UGT8: variants seen among roughly 807,000 people sequenced by gnomAD.
UGT8 encodes UDP glycosyltransferase 8.
A neutral mutation model predicts 40.5 loss-of-function variants in UGT8; 12 were observed. The ratio of observed to expected loss-of-function variants is 0.30; its 90% CI spans 0.19 to 0.48. UGT8 has a LOEUF of 0.48. Ranked by LOEUF, UGT8 falls within the 20% of genes least tolerant of loss-of-function variation. The probability of loss-of-function intolerance (pLI) is 0.99; values close to 1 mark genes in which losing one functional copy is unlikely to be tolerated. For synonymous variants in UGT8, 224 were observed against 240.4 expected, an observed-to-expected ratio of 0.93 and a Z score of 0.63; for missense variants, 513 against 648.7, an observed-to-expected ratio of 0.79 and a Z score of 2.27.
intron 2 of UGT8, among the ~76,000 whole-genome samples, chr4:114,632,677 A>G (rs1732647185): frequency 6.6e-6 from 1 of 152,218 alleles, no homozygotes; most frequent in Non-Finnish European, 1.5e-5. Flanking sequence ...ATTAGGTTCT[A>G]AGGAATTTTA....
At chr4:114,672,074 TA>T (rs1317998437) in intron 5 of UGT8, among the ~76,000 whole-genome samples, 1 of 152,142 alleles carries the variant, frequency 6.6e-6, no homozygotes, top group East Asian at 1.9e-4. Flanking sequence ...TAAAAAAGGT[TA>T]ACATCACTGA....
chr4:114,606,479 G>A (rs997076535), intron 1 of UGT8, among the ~76,000 whole-genome samples: 3 of 152,126 alleles, frequency 2.0e-5, no homozygotes, highest in African/African-American at 7.2e-5. Context: ...TCCCTATTGA[G>A]TTGTTCTCAC....
At chr4:114,660,998 A>G (rs1373752095) in intron 2 of UGT8, among the ~76,000 whole-genome samples, 1 of 151,642 alleles carries the variant, frequency 6.6e-6, no homozygotes, top group African/African-American at 2.4e-5. Context: ...TCAGTAGCTG[A>G]TTGTCTCTGT....
At chr4:114,610,306 A>G (rs529502311) in intron 1 of UGT8, among the ~76,000 whole-genome samples, 4 of 152,300 alleles carry the variant, frequency 2.6e-5, no homozygotes, top group African/African-American at 9.6e-5. Context: ...ACCTATCTTT[A>G]GTTTTTAAAT....
intron 1 of UGT8, among the ~76,000 whole-genome samples, chr4:114,616,074 C>T (rs1472055592): frequency 6.6e-6 from 1 of 152,152 alleles, no homozygotes; most frequent in African/African-American, 2.4e-5. Context: ...GGCAGTCTGC[C>T]CGTTCTCAGA....
At chr4:114,616,134 C>T (rs895004895) in intron 1 of UGT8, among the ~76,000 whole-genome samples, 1 of 152,208 alleles carries the variant, frequency 6.6e-6, no homozygotes, top group African/African-American at 2.4e-5. Flanking sequence ...AGCTGTCAGA[C>T]AGGGACATTT....
At chr4:114,675,811 G>A (rs975952025) in intron 5 of UGT8, 114 bp from the exon 6 acceptor site, 2 of 1,232,520 alleles carry the variant, frequency 1.6e-6, no homozygotes. Context: ...TACATGCAAG[G>A]TACTTACTAA....
At chr4:114,641,069 A>G (rs1733195759) in intron 2 of UGT8, among the ~76,000 whole-genome samples, 1 of 152,238 alleles carries the variant, frequency 6.6e-6, no homozygotes, top group Non-Finnish European at 1.5e-5. Context: ...CTGTGTTCAA[A>G]AAAAGCTGGC....
In UGT8 at chr4:114,668,040, A is replaced by C. The variant is rs1252998879; in HGVS notation, c.1043-45A>C. 5 of 1,595,170 alleles carry C rather than the reference A, an allele frequency of 3.1e-6. No homozygotes were observed. In the Admixed American group the frequency reaches 8.6e-5, roughly 27 times the overall value. ...GAATTTCTGGGAAAATCTCTTCTGT[A>C]GAGTAATAATGTTGTAAGTTGTTTT... is the stretch of plus-strand genomic sequence containing the variant. On this transcript the variant is annotated intron_variant, in intron 4 of 5. Coordinates refer to ENST00000310836, the MANE Select transcript of UGT8 (RefSeq NM_001128174.3).
rs138205192 is a variant in UGT8 at position 114,642,457 on chromosome 4, A to T, written c.822+18755A>T. On this transcript the variant is annotated intron_variant, in intron 2 of 5. Coordinates refer to ENST00000310836, the MANE Select transcript of UGT8 (RefSeq NM_001128174.3). ...AATTTTTGGGGGTAGAGTTTTATTG[A>T]TGTGTTCTTCCAATATGAGACTGCT... 5.6e-3 allele frequency among the ~76,000 whole-genome samples: 846 copies of T among 152,188 alleles called. 6 individuals are homozygous for T. The highest frequency in any genetic ancestry group is 0.017 in the Middle Eastern group (5 of 294).
chr4:114,660,946 T>A (rs1168049138), intron 2 of UGT8, among the ~76,000 whole-genome samples: 2 of 152,036 alleles, frequency 1.3e-5, no homozygotes, highest in Non-Finnish European at 2.9e-5. Flanking sequence ...GCTCTTTGAC[T>A]TCTACTAGCG....
At chr4:114,642,568 G>A (rs976583667) in intron 2 of UGT8, among the ~76,000 whole-genome samples, 2 of 152,062 alleles carry the variant, frequency 1.3e-5, no homozygotes, top group Non-Finnish European at 2.9e-5. Flanking sequence ...TCACTTGAAT[G>A]AGCAGCTGTA....
At chr4:114,648,745 A>G (rs1238022384) in intron 2 of UGT8, among the ~76,000 whole-genome samples, 1 of 152,222 alleles carries the variant, frequency 6.6e-6, no homozygotes, top group Non-Finnish European at 1.5e-5. Flanking sequence ...TGTCCCTTCA[A>G]ATATATGGCA....
intron 4 of UGT8, among the ~76,000 whole-genome samples, chr4:114,666,809 T>C (rs1734913899): frequency 1.3e-5 from 2 of 152,168 alleles, no homozygotes; most frequent in Admixed American, 1.3e-4. Flanking sequence ...ATAGCTGCTC[T>C]AGGCTTCTCA....
At chr4:114,644,873 A>G (rs1433709457) in intron 2 of UGT8, among the ~76,000 whole-genome samples, 1 of 152,074 alleles carries the variant, frequency 6.6e-6, no homozygotes, top group Non-Finnish European at 1.5e-5. Flanking sequence ...TTAAGTTATC[A>G]TTCTTAGGCA....
chr4:114,634,178 G>T (rs995319810), intron 2 of UGT8, among the ~76,000 whole-genome samples: 1 of 152,148 alleles, frequency 6.6e-6, no homozygotes, highest in African/African-American at 2.4e-5. Flanking sequence ...AGCAACTGGT[G>T]GATGGCATTT....
At position 114,668,065 on chromosome 4, in the gene UGT8, T is replaced by C; in HGVS notation, c.1043-20T>C. Reference sequence around the variant, plus strand: ...AGAGTAATAATGTTGTAAGTTGTTTTCTTTTTCATCTTTCTTCAGGGCATT... The same window carrying C: ...AGAGTAATAATGTTGTAAGTTGTTTCCTTTTTCATCTTTCTTCAGGGCATT... On this transcript the variant is annotated intron_variant, in intron 4 of 5. Coordinates refer to ENST00000310836, the MANE Select transcript of UGT8 (RefSeq NM_001128174.3). 1 of 1,610,368 alleles carries C rather than the reference T, an allele frequency of 6.2e-7. No individual in the cohort carries two copies. The highest frequency in any genetic ancestry group is 8.5e-7 in the Non-Finnish European group (1 of 1,178,396).
chr4:114,675,867 A>G, intron 5 of UGT8, 58 bp from the exon 6 acceptor site: 2 of 1,526,284 alleles, frequency 1.3e-6, no homozygotes, highest in Non-Finnish European at 1.8e-6. Context: ...GAAGATATGC[A>G]TAAATATAGA....
In UGT8 at chr4:114,632,933, A is replaced by T. The variant is rs1288956809; in HGVS notation, c.822+9231A>T. Among the ~76,000 whole-genome samples the T allele has an allele frequency of 2.0e-5, 3 of 152,248 alleles. No homozygotes were observed. In the East Asian group the frequency reaches 5.8e-4, roughly 29 times the overall value. On this transcript the variant is annotated intron_variant, in intron 2 of 5. Coordinates refer to ENST00000310836, the MANE Select transcript of UGT8 (RefSeq NM_001128174.3). ...TCCAGACTTTTTATCAGTGAAAAGC[A>T]ACTTAATTGACTTGATAAATATTGT...
Sources: allele counts gnomAD v4.1 joint callset (sites outside exome capture counted in the v4.1 genomes callset), GRCh38; gene constraint gnomAD v4.1.1; transcripts MANE v1.5; gene names NCBI Gene and HGNC (gene_info 2026-07-23, HGNC 2026-07-21).